The following HSPA4L variants were observed in gnomAD, a reference collection of about 807,000 sequenced individuals.
The protein encoded by HSPA4L is heat shock 70 kDa protein 4L.
Under a neutral mutation model 100.3 loss-of-function variants are expected in HSPA4L, and 48 were observed. The ratio of observed to expected loss-of-function variants is 0.48; its 90% CI spans 0.38 to 0.61. HSPA4L has a LOEUF of 0.61. HSPA4L is among the 20% of genes least tolerant of loss of function. The probability of loss-of-function intolerance (pLI) is 0.00; values close to 1 mark genes in which losing one functional copy is unlikely to be tolerated. For synonymous variants in HSPA4L, 319 were observed against 328.2 expected (o/e 0.97, Z 0.30); for missense variants, 886 against 988.6 (o/e 0.90, Z 1.39).
Position 127,794,138 on chromosome 4 carries a change from A to G in HSPA4L, c.165+4A>G, listed in dbSNP as rs754578342. ...TGGAAATGCAGCAAAGAGCCAGGTA[A>G]ATTGTTAATGTGGATGTTTTGACTT... On this transcript the variant is annotated splice_donor_region_variant and intron_variant, in intron 2 of 18. Coordinates refer to ENST00000296464, the MANE Select transcript of HSPA4L (RefSeq NM_014278.4). 4 of 1,608,602 alleles carry G rather than the reference A, an allele frequency of 2.5e-6. 1 individual carries two copies. In the South Asian group the frequency reaches 4.4e-5, roughly 18 times the overall value.
At chr4:127,812,421 CAAAA>C (rs79816485) in intron 12 of HSPA4L, among the ~76,000 whole-genome samples, 2 of 131,458 alleles carry the variant, frequency 1.5e-5, no homozygotes, top group African/African-American at 5.5e-5. Context: ...AAAAAAAAAA[CAAAA>C]AAAAAAACAG....
rs1481064734 is a variant in HSPA4L at position 127,840,689 on chromosome 4, C to T, written c.*7815C>T. Reference sequence around the variant, plus strand: ...GATGGCAGTACACATTGTTAACAATCGTGTAATTATAATAAATATGTCTAC... The same window carrying T: ...GATGGCAGTACACATTGTTAACAATTGTGTAATTATAATAAATATGTCTAC... On this transcript the variant is annotated 3_prime_UTR_variant, in exon 19 of 19. Coordinates refer to ENST00000296464, the MANE Select transcript of HSPA4L (RefSeq NM_014278.4). 1 of 152,048 alleles carries T rather than the reference C, an allele frequency of 6.6e-6. No individual in the cohort carries two copies. Among genetic ancestry groups the T allele is most frequent in the Admixed American group, 6.6e-5 (1 of 15,262 alleles). The allele number at this position is 152,048 out of a possible 1,614,324, so 9.4% of individuals were successfully genotyped here.
intron 13 of HSPA4L, 56 bp from the exon 14 acceptor site, chr4:127,820,372 T>A: frequency 6.8e-7 from 1 of 1,464,500 alleles, no homozygotes; most frequent in Non-Finnish European, 9.2e-7. Context: ...GTTTTACCTC[T>A]TAAATCTATT....
At chr4:127,820,921 G>A (rs1733793704) in intron 14 of HSPA4L, among the ~76,000 whole-genome samples, 1 of 151,942 alleles carries the variant, frequency 6.6e-6, no homozygotes, top group African/African-American at 2.4e-5. Flanking sequence ...TTATATCTCT[G>A]TTCAAAATGT....
Position 127,840,690 on chromosome 4 carries a change from G to A in HSPA4L, c.*7816G>A, listed in dbSNP as rs1182014314. On this transcript the variant is annotated 3_prime_UTR_variant, in exon 19 of 19. Transcript: ENST00000296464. ...ATGGCAGTACACATTGTTAACAATC[G>A]TGTAATTATAATAAATATGTCTACC... 2 of 152,104 alleles carry A rather than the reference G, an allele frequency of 1.3e-5. No homozygotes were observed. 9.4% of individuals were successfully genotyped at this position (152,104 alleles called of 1,614,324 possible). A position where few individuals can be genotyped will look rare whatever the true frequency, so the allele number is the denominator to read the frequency against.
At chr4:127,806,322 A>G (rs1733356659) in intron 10 of HSPA4L, among the ~76,000 whole-genome samples, 1 of 152,140 alleles carries the variant, frequency 6.6e-6, no homozygotes, top group South Asian at 2.1e-4. Context: ...TATTTTTGCT[A>G]TTTTAAACAG....
intron 1 of HSPA4L, chr4:127,783,397 G>A: frequency 1.6e-6 from 1 of 616,614 alleles, no homozygotes; most frequent in African/African-American, 2.0e-5. Flanking sequence ...GCGTGTTTCT[G>A]CAGAGTGAAT....
Position 127,801,352 on chromosome 4 carries a change from C to G in HSPA4L, c.529+115C>G, listed in dbSNP as rs1200384425. The G allele has an allele frequency of 9.6e-6, 7 of 731,176 alleles. No homozygotes were observed. The African/African-American group carries it at 1.3e-4, about 13-fold the overall frequency. The allele number at this position is 731,176 out of a possible 1,614,324, so 45.3% of individuals were successfully genotyped here. ...TCCAAGGCAAGAGGATTGCTTGAGCCTGGGAGTTGAAAGCTGCAGTGAGCT... is the reference window on the plus strand; with the variant it reads ...TCCAAGGCAAGAGGATTGCTTGAGCGTGGGAGTTGAAAGCTGCAGTGAGCT... On this transcript the variant is annotated intron_variant, in intron 5 of 18. Coordinates refer to ENST00000296464, the MANE Select transcript of HSPA4L (RefSeq NM_014278.4).
At chr4:127,785,950 A>T (rs564912533) in intron 1 of HSPA4L, among the ~76,000 whole-genome samples, 10 of 152,336 alleles carry the variant, frequency 6.6e-5, no homozygotes, top group African/African-American at 2.4e-4. Flanking sequence ...CACATTTTTA[A>T]AGGCCTGGTA....
intron 11 of HSPA4L, 78 bp from the exon 12 acceptor site, chr4:127,811,359 A>G: frequency 9.2e-7 from 1 of 1,091,828 alleles, no homozygotes; most frequent in Middle Eastern, 2.1e-4. Context: ...CATCTTAAAG[A>G]TGATAGCCAA....
chr4:127,810,641 C>A (rs753033865), intron 11 of HSPA4L, among the ~76,000 whole-genome samples: 12 of 152,088 alleles, frequency 7.9e-5, no homozygotes, highest in Non-Finnish European at 1.5e-4. Flanking sequence ...CACCTGTAGT[C>A]CCCGCTACTT....
intron 17 of HSPA4L, among the ~76,000 whole-genome samples, chr4:127,828,126 C>T (rs184418562): frequency 1.3e-5 from 2 of 152,044 alleles, no homozygotes; most frequent in African/African-American, 2.4e-5. Context: ...ACAAAAGTAC[C>T]ATAGACAATA....
intron 1 of HSPA4L, among the ~76,000 whole-genome samples, chr4:127,787,894 G>GTCA (rs1226394715): frequency 1.3e-5 from 2 of 151,988 alleles, no homozygotes; most frequent in African/African-American, 2.4e-5. Context: ...TTAATATGTG[G>GTCA]TCATTATAAA....
Position 127,837,861 on chromosome 4 carries a change from A to T in HSPA4L, c.*4987A>T, listed in dbSNP as rs1204175463. The stretch of plus-strand genomic sequence containing the variant: ...CTCTGTCACCCAGGCTGGAGGGCAC[A>T]ATCTCTGCTCACTGCAACCTCCACC... On this transcript the variant is annotated 3_prime_UTR_variant, in exon 19 of 19. Coordinates refer to ENST00000296464, the MANE Select transcript of HSPA4L (RefSeq NM_014278.4). 2 of 151,872 alleles carry T rather than the reference A, an allele frequency of 1.3e-5. No individual in the cohort carries two copies. Among genetic ancestry groups the T allele is most frequent in the African/African-American group, 4.8e-5 (2 of 41,348 alleles). The allele number at this position is 151,872 out of a possible 1,614,324, so 9.4% of individuals were successfully genotyped here.
chr4:127,820,788 T>C (rs1733790427), intron 14 of HSPA4L, among the ~76,000 whole-genome samples: 1 of 152,144 alleles, frequency 6.6e-6, no homozygotes, highest in South Asian at 2.1e-4. Flanking sequence ...TTGCCTCCTC[T>C]ATAGAGAAAG....
chr4:127,795,055 G>T (rs1055687732), intron 2 of HSPA4L, among the ~76,000 whole-genome samples: 5 of 151,976 alleles, frequency 3.3e-5, no homozygotes, highest in Non-Finnish European at 7.4e-5. Flanking sequence ...TAGCCTAGGA[G>T]CAATCTGCAG....
At chr4:127,814,312 C>T (rs934404708) in intron 12 of HSPA4L, among the ~76,000 whole-genome samples, 1 of 152,074 alleles carries the variant, frequency 6.6e-6, no homozygotes, top group Non-Finnish European at 1.5e-5. Context: ...CTTAATATTT[C>T]TTTTACAATG....
intron 16 of HSPA4L, among the ~76,000 whole-genome samples, chr4:127,825,622 C>T (rs2148798809): frequency 6.6e-6 from 1 of 152,176 alleles, no homozygotes; most frequent in East Asian, 1.9e-4. Flanking sequence ...ATCCCTGTCT[C>T]CCTAAAAGAA....
intron 11 of HSPA4L, 113 bp downstream of exon 11, chr4:127,808,242 G>A (rs1733419985): frequency 2.4e-6 from 2 of 835,776 alleles, no homozygotes; most frequent in South Asian, 3.9e-5. Flanking sequence ...GACTTTTAAA[G>A]AAAGATATTT....
Sources: allele counts gnomAD v4.1 joint callset (sites outside exome capture counted in the v4.1 genomes callset), GRCh38; gene constraint gnomAD v4.1.1; transcripts MANE v1.5; gene names NCBI Gene and HGNC (gene_info 2026-07-23, HGNC 2026-07-21).